CSMD3: variants seen among roughly 807,000 people sequenced by gnomAD.
The protein encoded by CSMD3 is CUB and Sushi multiple domains 3.
In CSMD3, 177 loss-of-function variants were observed where a neutral mutation model predicts 435.2. That is an observed-to-expected ratio of 0.41 (90% CI 0.36 to 0.46). CSMD3 has a LOEUF of 0.46. CSMD3 is among the 20% of genes least tolerant of loss of function. The probability of loss-of-function intolerance (pLI) is 0.34; values close to 1 mark genes in which losing one functional copy is unlikely to be tolerated. For synonymous variants in CSMD3, 1,656 were observed against 1,520.5 expected (o/e 1.09, Z -2.07); for missense variants, 4,265 against 4,504.6 (o/e 0.95, Z 1.52).
chr8:113,103,381 T>C (rs1354708421), intron 4 of CSMD3, among the ~76,000 whole-genome samples: 2 of 152,174 alleles, frequency 1.3e-5, no homozygotes, highest in African/African-American at 2.4e-5. Flanking sequence ...TATATGTATA[T>C]GTATACACAT....
chr8:113,339,681 T>C (rs1371710377), intron 1 of CSMD3, among the ~76,000 whole-genome samples: 1 of 152,050 alleles, frequency 6.6e-6, no homozygotes, highest in Non-Finnish European at 1.5e-5. Flanking sequence ...CTACTATTTT[T>C]TCTTCTGTTT....
intron 35 of CSMD3, among the ~76,000 whole-genome samples, chr8:112,401,748 T>C (rs1166779697): frequency 7.2e-5 from 11 of 152,178 alleles, no homozygotes; most frequent in Admixed American, 5.2e-4. Context: ...AACACATTTT[T>C]CCTAAACTTT....
chr8:112,265,564 G>A lies in CSMD3; in HGVS notation c.9535C>T (p.Pro3179Ser), dbSNP rs771470744. Reference sequence around the variant, plus strand: ...TCTCCATATCTCAGTCCATTGGCTGGTATACCTGGGTCTCCACAACTGATT... The same window carrying A: ...TCTCCATATCTCAGTCCATTGGCTGATATACCTGGGTCTCCACAACTGATT... Reference protein sequence around the residue: ...TIISCGDPGIPANGLRYGDDY... With the variant: ...TIISCGDPGISANGLRYGDDY... The change falls in exon 60 of 71, where the codon CCA becomes TCA. Residue 3179 changes from proline (P) to serine (S), a missense_variant. Physicochemically the swap from Pro to Ser is moderately conservative, Grantham distance 74 (BLOSUM62 -1). This residue lies in a region of CSMD3 where 3,255 missense variants were observed against 3,380.2 expected (regional missense o/e 0.96). Transcript: ENST00000297405. 20 of 1,613,146 alleles carry A rather than the reference G, an allele frequency of 1.2e-5. No individual in the cohort carries two copies. The East Asian group carries it at 1.8e-4, about 14-fold the overall frequency.
chr8:112,843,604 G>T (rs1183094901), intron 11 of CSMD3, among the ~76,000 whole-genome samples: 2 of 151,874 alleles, frequency 1.3e-5, no homozygotes. Flanking sequence ...GAAGTCAGAA[G>T]AATGTGCAAA....
chr8:112,746,036 T>G (rs2132076652), intron 13 of CSMD3, among the ~76,000 whole-genome samples: 1 of 152,284 alleles, frequency 6.6e-6, no homozygotes, highest in East Asian at 1.9e-4. Flanking sequence ...TGAACTCACC[T>G]TTTCAGTATG....
intron 44 of CSMD3, among the ~76,000 whole-genome samples, 193 bp downstream of exon 44, chr8:112,336,459 T>C (rs1824565024): frequency 6.6e-6 from 1 of 152,222 alleles, no homozygotes. Flanking sequence ...ACCTAGTTCA[T>C]GGGGCAAATA....
chr8:112,948,354 G>A (rs948251368), intron 8 of CSMD3, among the ~76,000 whole-genome samples: 1 of 151,962 alleles, frequency 6.6e-6, no homozygotes, highest in African/African-American at 2.4e-5. Context: ...ATATGATAAA[G>A]CAATTTGATC....
chr8:112,662,597 C>T (rs570135408), intron 17 of CSMD3, among the ~76,000 whole-genome samples: 60 of 152,244 alleles, frequency 3.9e-4, no homozygotes, highest in African/African-American at 1.4e-3. Flanking sequence ...CAATACCATT[C>T]AGGACATAGG....
chr8:112,232,924 C>T (rs1813234399), intron 68 of CSMD3, among the ~76,000 whole-genome samples: 1 of 152,138 alleles, frequency 6.6e-6, no homozygotes. Flanking sequence ...GGACTTAATA[C>T]CACAGCCTCA....
At chr8:112,262,523 G>C (rs777934613) in intron 61 of CSMD3, among the ~76,000 whole-genome samples, 6 of 152,084 alleles carry the variant, frequency 3.9e-5, no homozygotes, top group African/African-American at 7.2e-5. Flanking sequence ...AATCAGAAGT[G>C]AAAGGGAAGT....
chr8:112,338,286 G>A (rs946808883), intron 42 of CSMD3, among the ~76,000 whole-genome samples: 14 of 152,108 alleles, frequency 9.2e-5, no homozygotes, highest in African/African-American at 3.4e-4. Flanking sequence ...TCAGTTATGG[G>A]ATAATTTGGG....
At chr8:113,188,629 A>G (rs1342693572) in intron 3 of CSMD3, among the ~76,000 whole-genome samples, 1 of 151,976 alleles carries the variant, frequency 6.6e-6, no homozygotes, top group African/African-American at 2.4e-5. Context: ...TTCTAAAAGT[A>G]TGGGAGAAAA....
At chr8:112,852,862 T>C (rs186716) in intron 11 of CSMD3, among the ~76,000 whole-genome samples, 145,306 of 152,028 alleles carry the variant, frequency 0.96, 69,461 homozygotes, top group South Asian at 0.99. Flanking sequence ...GCAGAGCTTG[T>C]AGTAAGCCGA....
intron 12 of CSMD3, among the ~76,000 whole-genome samples, chr8:112,816,265 T>A (rs765123894): frequency 3.3e-5 from 5 of 152,222 alleles, no homozygotes; most frequent in Non-Finnish European, 5.9e-5. Context: ...GAATAGAAGA[T>A]GATTGCTGCC....
chr8:112,821,191 T>C (rs1427597272), intron 12 of CSMD3, among the ~76,000 whole-genome samples: 3 of 152,186 alleles, frequency 2.0e-5, no homozygotes, highest in Admixed American at 6.5e-5. Context: ...CCGGGTCAAA[T>C]GGTATTTCTG....
chr8:113,016,052 G>A (rs934469371), intron 6 of CSMD3, among the ~76,000 whole-genome samples: 6 of 151,570 alleles, frequency 4.0e-5, no homozygotes, highest in African/African-American at 1.5e-4. Context: ...GAATTTGTGG[G>A]GGCAGAGTTA....
rs1342327187 is a variant in CSMD3, at chr8:113,191,573, AC to A, written c.515-17658del. On this transcript the variant is annotated intron_variant, in intron 3 of 70. Transcript: ENST00000297405. The stretch of plus-strand genomic sequence containing the variant: ...TCTCCATGTTGTTGCCAAAAAAAAA[AC>A]AAAACAAAACATGATTTCATTAATT... Among the ~76,000 whole-genome samples the A allele has an allele frequency of 1.4e-4, 21 of 151,480 alleles. No individual in the cohort carries two copies. In the Admixed American group the frequency reaches 1.4e-3, roughly 10 times the overall value.
At chr8:112,722,233 G>C (rs575228468) in intron 13 of CSMD3, among the ~76,000 whole-genome samples, 5 of 150,648 alleles carry the variant, frequency 3.3e-5, no homozygotes, top group African/African-American at 9.7e-5. Context: ...CAGAGGAAAA[G>C]ATACCAAAGA....
At chr8:113,136,288 T>C (rs181024969) in intron 4 of CSMD3, among the ~76,000 whole-genome samples, 4 of 151,510 alleles carry the variant, frequency 2.6e-5, no homozygotes, top group Non-Finnish European at 3.0e-5. Flanking sequence ...TATGTGCCTA[T>C]TGAGCATTTG....
Sources: allele counts gnomAD v4.1 joint callset (sites outside exome capture counted in the v4.1 genomes callset), GRCh38; gene constraint gnomAD v4.1.1; regional missense constraint gnomAD v4.1.1; transcripts MANE v1.5; gene names NCBI Gene and HGNC (gene_info 2026-07-23, HGNC 2026-07-21).